GRHL3: variants seen among roughly 807,000 people sequenced by gnomAD.
GRHL3 encodes the protein grainyhead-like protein 3 homolog.
GRHL3 carries 20 observed loss-of-function variants against 70.3 expected under a neutral mutation model. The observed-to-expected ratio is 0.28, with a 90% CI of 0.20 to 0.41. The LOEUF is 0.41. Ranked by LOEUF, GRHL3 falls within the 10% of genes least tolerant of loss-of-function variation. GRHL3 has a pLI of 1.00. For synonymous variants in GRHL3, 299 were observed against 299.9 expected, an observed-to-expected ratio of 1.00 and a Z score of 0.03; for missense variants, 637 against 762.3, an observed-to-expected ratio of 0.84 and a Z score of 1.94.
chr1:24,329,101 C>T (rs1303902503), intron 1 of GRHL3, among the ~76,000 whole-genome samples: 1 of 152,202 alleles, frequency 6.6e-6, no homozygotes, highest in East Asian at 1.9e-4. Context: ...GCAACAGAAA[C>T]TCAGGGTGTG....
chr1:24,332,254 C>T (rs1240356983), intron 2 of GRHL3, among the ~76,000 whole-genome samples: 1 of 152,222 alleles, frequency 6.6e-6, no homozygotes, highest in African/African-American at 2.4e-5. Context: ...CCATCTGCCA[C>T]CTCATCTCCC....
chr1:24,337,879 G>A (rs1020415084), intron 6 of GRHL3, 90 bp downstream of exon 6: 26 of 1,577,506 alleles, frequency 1.6e-5, no homozygotes, highest in Middle Eastern at 3.4e-4. Flanking sequence ...GGGAAAGGCT[G>A]TTTGATAATA....
At chr1:24,345,015 ACACCTG>A in intron 12 of GRHL3, 84 bp downstream of exon 12, 2 of 1,119,416 alleles carry the variant, frequency 1.8e-6, no homozygotes, top group African/African-American at 5.9e-5. Context: ...TGCCTCCGCC[ACACCTG>A]TGCCCCCTCT....
chr1:24,354,049 C>T (rs540375769), intron 15 of GRHL3, among the ~76,000 whole-genome samples: 2 of 152,040 alleles, frequency 1.3e-5, no homozygotes, highest in Admixed American at 1.3e-4. Context: ...GGGAGCACTG[C>T]GTCTCCCCCA....
At position 24,355,199 on chromosome 1, in the gene GRHL3, A is replaced by G. The variant is rs1163633991; in HGVS notation, c.*711A>G. 1.3e-5 allele frequency: 2 copies of G among 152,494 alleles called. No individual in the cohort carries two copies. Among genetic ancestry groups the G allele is most frequent in the Admixed American group, 1.3e-4 (2 of 15,270 alleles). The allele number at this position is 152,494 out of a possible 1,614,324, so 9.4% of individuals were successfully genotyped here. A position where few individuals can be genotyped will look rare whatever the true frequency, so the allele number is the denominator to read the frequency against. On this transcript the variant is annotated 3_prime_UTR_variant, in exon 16 of 16. Transcript: ENST00000361548. ...TATTTTTCATGGATATGTTTTTATC[A>G]TTTCAAAAAATGTGTATTTCACATT...
At position 24,331,445 on chromosome 1, in the gene GRHL3, C is replaced by T. The variant is rs1323047827; in HGVS notation, c.37C>T (p.Leu13=). 6.2e-7 allele frequency: 1 copy of T among 1,613,082 alleles called. No homozygotes were observed. The highest frequency in any genetic ancestry group is 1.3e-5 in the African/African-American group (1 of 75,034). ...NELDFRSVRL[L]KNDPVNLQKF... ...ATTCAGTTTCAGGTCTGTGCGGCTGCTAAAGAACGACCCAGTCAACTTGCA... is the reference window on the plus strand; with the variant it reads ...ATTCAGTTTCAGGTCTGTGCGGCTGTTAAAGAACGACCCAGTCAACTTGCA... Residue 13 remains leucine (L), a synonymous_variant, in exon 2 of 16, where the codon CTA becomes TTA. Transcript: ENST00000361548.
In GRHL3 at chr1:24,342,827, G is replaced by C; in HGVS notation, c.1285+55G>C. Reference sequence around the variant, plus strand: ...TCGGCTGGCGTGAAGGGGAGAAGGAGACCAGAGGTGGGAGGGACTTGAGTG... The same window carrying C: ...TCGGCTGGCGTGAAGGGGAGAAGGACACCAGAGGTGGGAGGGACTTGAGTG... On this transcript the variant is annotated intron_variant, in intron 10 of 15. Transcript: ENST00000361548. This position sits in a 1 kb window ranked among gnomAD's most constrained non-coding sequence, Gnocchi z 4.8. The C allele has an allele frequency of 6.2e-7, 1 of 1,613,988 alleles. No homozygotes were observed. Among genetic ancestry groups the C allele is most frequent in the Non-Finnish European group, 8.5e-7 (1 of 1,179,826 alleles).
Position 24,322,493 on chromosome 1 carries a change from AC to A in GRHL3, c.17+2926del, listed in dbSNP as rs1164914125. ...AGGTGTGTTATTAAAAGTCGGAGCT[AC>A]GCTGCTGCTGAATGAAAAGTTAAAA... On this transcript the variant is annotated intron_variant, in intron 1 of 15. Coordinates refer to ENST00000361548, the MANE Select transcript of GRHL3 (RefSeq NM_198173.3). The surrounding 1 kb of genome is among the most constrained non-coding windows in gnomAD (Gnocchi z 4.4). Among the ~76,000 whole-genome samples, 1 of 152,248 alleles carries A rather than the reference AC, an allele frequency of 6.6e-6. No individual in the cohort carries two copies. Among genetic ancestry groups the A allele is most frequent in the East Asian group, 1.9e-4 (1 of 5,192 alleles).
At chr1:24,347,629 C>G (rs999560279) in intron 14 of GRHL3, 76 bp downstream of exon 14, 1 of 1,185,502 alleles carries the variant, frequency 8.4e-7, no homozygotes, top group African/African-American at 1.5e-5. Context: ...CCACGCAGTT[C>G]TGATTTCCCA....
intron 8 of GRHL3, among the ~76,000 whole-genome samples, chr1:24,341,050 A>AC (rs1046658026): frequency 3.3e-5 from 5 of 151,252 alleles, no homozygotes; most frequent in African/African-American, 9.7e-5. Flanking sequence ...GCTCAGACAC[A>AC]CCCCCCCACA....
At position 24,354,473 on chromosome 1, in the gene GRHL3, C is replaced by T; in HGVS notation, c.1794C>T (p.Ile598=). 1.2e-6 allele frequency: 2 copies of T among 1,612,110 alleles called. No individual in the cohort carries two copies. The highest frequency in any genetic ancestry group is 1.7e-6 in the Non-Finnish European group (2 of 1,178,232). ...MGELDGKIQI[I]LKEL ...AGCTGGACGGCAAAATTCAGATCAT[C>T]CTTAAGGAGCTGTAAGGCCTCTCGA... The change falls in exon 16 of 16, where the codon ATC becomes ATT. Residue 598 remains isoleucine, a synonymous_variant. Transcript: ENST00000361548.
At chr1:24,328,518 C>T (rs1014974544) in intron 1 of GRHL3, among the ~76,000 whole-genome samples, 2 of 152,242 alleles carry the variant, frequency 1.3e-5, no homozygotes, top group African/African-American at 4.8e-5. Flanking sequence ...CAGACATTGT[C>T]TGTTCTTTTG....
Position 24,364,442 on chromosome 1 carries a change from T to C in GRHL3, c.*71T>C, listed in dbSNP as rs893404112. On this transcript the variant is annotated 3_prime_UTR_variant, in exon 16 of 16. Coordinates refer to the GRHL3 transcript ENST00000350501. ...CTGAGAGCTCTCAGCTCAGAGTATG[T>C]GGCCCCTGAATACATTCTGGCTATT... is the stretch of plus-strand genomic sequence containing the variant. 2.1e-6 allele frequency: 3 copies of C among 1,453,858 alleles called. No homozygotes were observed. In the African/African-American group the frequency reaches 4.3e-5, roughly 21 times the overall value. The allele number at this position is 1,453,858 out of a possible 1,614,324, so 90.1% of individuals were successfully genotyped here. A position where few individuals can be genotyped will look rare whatever the true frequency, so the allele number is the denominator to read the frequency against.
rs1639246694 is a variant in GRHL3, at chr1:24,322,687, A to G, written c.17+3119A>G. ...GAGTGGCCGCAGCCAGGCGGTCGGCAGAGCTCCCACTGACCCACCGGAGGA... is the reference window on the plus strand; with the variant it reads ...GAGTGGCCGCAGCCAGGCGGTCGGCGGAGCTCCCACTGACCCACCGGAGGA... On this transcript the variant is annotated intron_variant, in intron 1 of 15. Transcript: ENST00000361548. The surrounding 1 kb of genome is among the most constrained non-coding windows in gnomAD (Gnocchi z 4.4). Among the ~76,000 whole-genome samples, 1 of 152,240 alleles carries G rather than the reference A, an allele frequency of 6.6e-6. No individual in the cohort carries two copies. Among genetic ancestry groups the G allele is most frequent in the Non-Finnish European group, 1.5e-5 (1 of 68,036 alleles).
rs771474229 is a variant in GRHL3, at chr1:24,336,839, T to A, written c.612+12T>A. On this transcript the variant is annotated intron_variant, in intron 4 of 15. Coordinates refer to ENST00000361548, the MANE Select transcript of GRHL3 (RefSeq NM_198173.3). ...ATGACCCACAGGAGGTGAGGGCGCA[T>A]CCCCGCTCCCCTATAGCATAGATAT... is the stretch of plus-strand genomic sequence containing the variant. The A allele has an allele frequency of 1.9e-6, 3 of 1,565,468 alleles. No individual in the cohort carries two copies. The Admixed American group carries it at 5.2e-5, about 27-fold the overall frequency.
Position 24,321,493 on chromosome 1 carries a change from T to C in GRHL3, c.17+1925T>C, listed in dbSNP as rs1303312458. Among the ~76,000 whole-genome samples, 1 of 152,232 alleles carries C rather than the reference T, an allele frequency of 6.6e-6. No homozygotes were observed. The highest frequency in any genetic ancestry group is 1.5e-5 in the Non-Finnish European group (1 of 68,036). ...AGTGCCAAGTTAAGAGGACTGGCCA[T>C]AGCTTACAGCTTGGGCCCTCATGGA... is the stretch of plus-strand genomic sequence containing the variant. On this transcript the variant is annotated intron_variant, in intron 1 of 15. Coordinates refer to ENST00000361548, the MANE Select transcript of GRHL3 (RefSeq NM_198173.3). The surrounding 1 kb of genome is among the most constrained non-coding windows in gnomAD (Gnocchi z 4.0).
At chr1:24,325,358 A>G (rs998163765) in intron 1 of GRHL3, among the ~76,000 whole-genome samples, 3 of 152,168 alleles carry the variant, frequency 2.0e-5, no homozygotes, top group African/African-American at 4.8e-5. Flanking sequence ...TTAACTACTG[A>G]GTCCCATCCT....
rs145517011 is a variant in GRHL3, at chr1:24,334,769, A to C, written c.266+63A>C. Reference sequence around the variant, plus strand: ...CCCACCTCCACCTGGAGCCTCTTCCACACAGGTTTGACTTATCCATTAGGC... The same window carrying C: ...CCCACCTCCACCTGGAGCCTCTTCCCCACAGGTTTGACTTATCCATTAGGC... On this transcript the variant is annotated intron_variant, in intron 3 of 15. Transcript: ENST00000361548. This position sits in a 1 kb window ranked among gnomAD's most constrained non-coding sequence, Gnocchi z 4.3. 2.1e-4 allele frequency: 294 copies of C among 1,388,422 alleles called. 3 individuals are homozygous for C. In the African/African-American group the frequency reaches 3.7e-3, roughly 17 times the overall value. 86.0% of individuals were successfully genotyped at this position (1,388,422 alleles called of 1,614,324 possible).
intron 14 of GRHL3, 71 bp downstream of exon 14, chr1:24,347,624 C>A: frequency 8.2e-7 from 1 of 1,214,382 alleles, no homozygotes. Flanking sequence ...CCTCACCACG[C>A]AGTTCTGATT....
Sources: allele counts gnomAD v4.1 joint callset (sites outside exome capture counted in the v4.1 genomes callset), GRCh38; gene constraint gnomAD v4.1.1; non-coding constraint Gnocchi (gnomAD v3.1); transcripts MANE v1.5; gene names NCBI Gene and HGNC (gene_info 2026-07-23, HGNC 2026-07-21).